DEUP1: variants seen among roughly 807,000 people sequenced by gnomAD.
The protein encoded by DEUP1 is deuterosome assembly protein 1.
In DEUP1, 82 loss-of-function variants were observed where a neutral mutation model predicts 87.4. The observed-to-expected ratio is 0.94, with a 90% CI of 0.78 to 1.13. The LOEUF is 1.13. DEUP1 is among the 50% of genes most tolerant of loss of function. The probability of loss-of-function intolerance (pLI) is 0.00; values close to 1 mark genes in which losing one functional copy is unlikely to be tolerated. For missense variants in DEUP1, 663 were observed against 681.5 expected (o/e 0.97, Z 0.30); for synonymous variants, 214 against 222.7 (o/e 0.96, Z 0.35).
At chr11:93,367,950 C>T (rs1027094217) in intron 5 of DEUP1, among the ~76,000 whole-genome samples, 1 of 152,156 alleles carries the variant, frequency 6.6e-6, no homozygotes, top group Admixed American at 6.5e-5. Flanking sequence ...TAATAAAGAG[C>T]CCTTACCCTC....
intron 12 of DEUP1, among the ~76,000 whole-genome samples, chr11:93,411,487 C>T (rs1047762981): frequency 6.6e-6 from 1 of 152,010 alleles, no homozygotes; most frequent in Admixed American, 6.5e-5. Flanking sequence ...GTTTTTAATG[C>T]TCACTCACTT....
At chr11:93,384,943 G>T (rs1016127522) in intron 7 of DEUP1, among the ~76,000 whole-genome samples, 6 of 152,170 alleles carry the variant, frequency 3.9e-5, no homozygotes, top group African/African-American at 1.4e-4. Context: ...AATGAAGGAG[G>T]CCAGGCGCAG....
At chr11:93,393,000 T>C (rs1049587802) in intron 9 of DEUP1, among the ~76,000 whole-genome samples, 7 of 145,338 alleles carry the variant, frequency 4.8e-5, no homozygotes, top group African/African-American at 1.8e-4. Context: ...TCCTCCTCCT[T>C]CTTTCTCCTC....
At chr11:93,418,377 G>A (rs904099349) in intron 13 of DEUP1, among the ~76,000 whole-genome samples, 1 of 152,026 alleles carries the variant, frequency 6.6e-6, no homozygotes, top group African/African-American at 2.4e-5. Flanking sequence ...CGAAGGACAT[G>A]AACAGACACT....
At position 93,406,061 on chromosome 11, in the gene DEUP1, T is replaced by C. The variant is rs144344874; in HGVS notation, c.1327-2170T>C. ...CATGAGTTTTTATTGTGAGAATATA[T>C]CCTATTTTTTAAAATTCTGTGAAAA... On this transcript the variant is annotated intron_variant, in intron 11 of 13. Coordinates refer to ENST00000298050, the MANE Select transcript of DEUP1 (RefSeq NM_181645.4). Among the ~76,000 whole-genome samples, 507 of 152,058 alleles carry C rather than the reference T, an allele frequency of 3.3e-3. 2 individuals carry two copies. Among genetic ancestry groups the C allele is most frequent in the Non-Finnish European group, 5.8e-3 (394 of 67,852 alleles).
chr11:93,408,560 T>C, intron 12 of DEUP1, 133 bp downstream of exon 12: 1 of 601,172 alleles, frequency 1.7e-6, no homozygotes, highest in Non-Finnish European at 2.8e-6. Context: ...ATGCAGTAGA[T>C]GAGTAGATAA....
intron 5 of DEUP1, among the ~76,000 whole-genome samples, chr11:93,368,104 A>G (rs1186237085): frequency 6.6e-6 from 1 of 152,230 alleles, no homozygotes; most frequent in African/African-American, 2.4e-5. Flanking sequence ...ATCATGCTGT[A>G]TAACTGCACT....
chr11:93,391,174 G>T (rs1000639117), intron 9 of DEUP1, among the ~76,000 whole-genome samples: 3 of 151,000 alleles, frequency 2.0e-5, no homozygotes, highest in Non-Finnish European at 4.4e-5. Context: ...TATGAATCTT[G>T]CAAGTATTTT....
At chr11:93,426,994 T>TAAAAAAAAAAAAA (rs1157644297) in intron 13 of DEUP1, among the ~76,000 whole-genome samples, 1 of 2,912 alleles carries the variant, frequency 3.4e-4, no homozygotes, top group Non-Finnish European at 5.5e-4. Context: ...TAGAGTATAA[T>TAAAAAAAAAAAAA]AAAAAAAAAA....
intron 7 of DEUP1, among the ~76,000 whole-genome samples, chr11:93,380,401 T>C (rs1308912683): frequency 1.3e-5 from 2 of 151,984 alleles, no homozygotes; most frequent in Non-Finnish European, 2.9e-5. Context: ...TTGTTTTGTT[T>C]TGTTTTGTTT....
chr11:93,413,430 G>A (rs372826008), intron 12 of DEUP1, among the ~76,000 whole-genome samples: 5 of 152,196 alleles, frequency 3.3e-5, no homozygotes, highest in Admixed American at 2.0e-4. Context: ...TTTTAGTAGC[G>A]ACGGGGTTTC....
At chr11:93,368,464 G>A (rs756129390) in intron 5 of DEUP1, among the ~76,000 whole-genome samples, 2 of 152,208 alleles carry the variant, frequency 1.3e-5, no homozygotes, top group Non-Finnish European at 2.9e-5. Flanking sequence ...AGGCATGGTT[G>A]GGGAGGCCTT....
intron 13 of DEUP1, among the ~76,000 whole-genome samples, chr11:93,428,842 A>G (rs544177425): frequency 5.9e-5 from 9 of 152,268 alleles, no homozygotes; most frequent in African/African-American, 1.9e-4. Context: ...TGAAATCATA[A>G]ATTAAAAAGA....
chr11:93,385,609 A>G, intron 8 of DEUP1, 66 bp downstream of exon 8: 1 of 1,290,204 alleles, frequency 7.8e-7, no homozygotes. Flanking sequence ...TGTTTTTAAG[A>G]GTTTTATATT....
chr11:93,417,489 C>A (rs1420591496), intron 13 of DEUP1, among the ~76,000 whole-genome samples: 1 of 152,160 alleles, frequency 6.6e-6, no homozygotes. Flanking sequence ...TGAAGGACCT[C>A]TTCAGGGAGA....
chr11:93,355,184 C>A lies in DEUP1; in HGVS notation c.30-187C>A, dbSNP rs565421090. Among the ~76,000 whole-genome samples the A allele has an allele frequency of 2.2e-4, 34 of 152,278 alleles. No homozygotes were observed. In the South Asian group the frequency reaches 6.8e-3, roughly 31 times the overall value. ...TATTTTAAAAAATTAAGTATATATA[C>A]ACTGTTAGTTCTGAAATTGGCTTTA... is the stretch of plus-strand genomic sequence containing the variant. On this transcript the variant is annotated intron_variant, in intron 2 of 13. Coordinates refer to ENST00000298050, the MANE Select transcript of DEUP1 (RefSeq NM_181645.4).
At chr11:93,414,461 C>T (rs1342878906) in intron 12 of DEUP1, among the ~76,000 whole-genome samples, 1 of 151,986 alleles carries the variant, frequency 6.6e-6, no homozygotes, top group Non-Finnish European at 1.5e-5. Context: ...GAGCTGCGAT[C>T]GCGCCACTGC....
At chr11:93,428,638 T>G (rs538145602) in intron 13 of DEUP1, among the ~76,000 whole-genome samples, 3 of 151,816 alleles carry the variant, frequency 2.0e-5, no homozygotes, top group East Asian at 3.9e-4. Context: ...AACCATCACA[T>G]GTTTTAAGTG....
chr11:93,380,271 A>T (rs1946239596), intron 7 of DEUP1, among the ~76,000 whole-genome samples: 2 of 152,150 alleles, frequency 1.3e-5, no homozygotes, highest in Admixed American at 1.3e-4. Flanking sequence ...CTCTAACTTC[A>T]TTTTGTGATG....
Sources: gnomAD v4.1 joint callset for allele counts (sites outside exome capture counted in the v4.1 genomes callset) on GRCh38, gnomAD v4.1.1 for gene constraint, MANE v1.5 for transcripts, NCBI Gene and HGNC (gene_info 2026-07-23, HGNC 2026-07-21) for gene names.